The following LRRTM4 variants were observed in gnomAD, a reference collection of about 807,000 sequenced individuals.
LRRTM4 encodes the protein leucine-rich repeat transmembrane neuronal protein 4.
Under a neutral mutation model 47.6 loss-of-function variants are expected in LRRTM4, and 25 were observed. That is an observed-to-expected ratio of 0.53 (90% CI 0.38 to 0.73). The LOEUF is 0.73. Ranked by LOEUF, LRRTM4 falls within the 30% of genes least tolerant of loss-of-function variation. The pLI is 0.00. For missense variants in LRRTM4, 638 were observed against 713.4 expected (o/e 0.89, Z 1.20); for synonymous variants, 311 against 269.5 (o/e 1.15, Z -1.51).
At chr2:76,928,683 A>G (rs1674667499) in intron 3 of LRRTM4, among the ~76,000 whole-genome samples, 1 of 152,198 alleles carries the variant, frequency 6.6e-6, no homozygotes, top group African/African-American at 2.4e-5. Context: ...TAAAACTGTA[A>G]CCCAGAATAC....
At chr2:76,830,496 C>T (rs544967564) in intron 3 of LRRTM4, among the ~76,000 whole-genome samples, 1 of 143,240 alleles carries the variant, frequency 7.0e-6, no homozygotes. Context: ...AATAAGTTGT[C>T]TATGTGTGGC....
intron 3 of LRRTM4, among the ~76,000 whole-genome samples, chr2:77,214,046 A>C (rs888690677): frequency 2.0e-5 from 3 of 152,200 alleles, no homozygotes; most frequent in Admixed American, 6.5e-5. Flanking sequence ...TGGAATGATC[A>C]AGGTCTCCTA....
At chr2:77,241,681 G>T (rs971042910) in intron 3 of LRRTM4, among the ~76,000 whole-genome samples, 1 of 152,044 alleles carries the variant, frequency 6.6e-6, no homozygotes, top group Non-Finnish European at 1.5e-5. Flanking sequence ...CAGATAAGGG[G>T]ATTAGCAAAT....
intron 3 of LRRTM4, among the ~76,000 whole-genome samples, chr2:77,398,615 A>G (rs1186164556): frequency 6.6e-6 from 1 of 151,820 alleles, no homozygotes; most frequent in Non-Finnish European, 1.5e-5. Context: ...TTATTTTAGA[A>G]CAGTTTTGTT....
At chr2:76,797,855 A>C (rs372632439) in intron 3 of LRRTM4, among the ~76,000 whole-genome samples, 2 of 151,782 alleles carry the variant, frequency 1.3e-5, no homozygotes, top group African/African-American at 2.4e-5. Context: ...AACAAAGATC[A>C]AAAGAGACAG....
intron 3 of LRRTM4, among the ~76,000 whole-genome samples, chr2:77,297,239 T>A (rs1676999173): frequency 6.6e-6 from 1 of 152,162 alleles, no homozygotes; most frequent in South Asian, 2.1e-4. Context: ...CCTTCTCATA[T>A]TTTACTATTT....
chr2:76,824,529 T>C (rs1384059449), intron 3 of LRRTM4, among the ~76,000 whole-genome samples: 3 of 149,906 alleles, frequency 2.0e-5, no homozygotes, highest in Non-Finnish European at 4.4e-5. Context: ...ATTGCTTATG[T>C]GTATAACACT....
chr2:76,873,595 A>AT (rs147620068), intron 3 of LRRTM4, among the ~76,000 whole-genome samples: 7,869 of 147,698 alleles, frequency 0.053, 541 homozygotes, highest in African/African-American at 0.15. Flanking sequence ...GCAATTATTG[A>AT]TTTTTTTGAC....
chr2:77,073,600 CAA>C (rs1680235119), intron 3 of LRRTM4, among the ~76,000 whole-genome samples: 1 of 151,948 alleles, frequency 6.6e-6, no homozygotes, highest in Non-Finnish European at 1.5e-5. Context: ...CTTTCTACAC[CAA>C]AAGATATTAT....
At chr2:77,265,663 T>C (rs145993665) in intron 3 of LRRTM4, among the ~76,000 whole-genome samples, 4 of 152,248 alleles carry the variant, frequency 2.6e-5, no homozygotes, top group Admixed American at 1.3e-4. Flanking sequence ...TAGTAATATG[T>C]ACAAAGAAGT....
At position 76,824,920 on chromosome 2, in the gene LRRTM4, G is replaced by C. The variant is rs182591318; in HGVS notation, c.1552-76004C>G. 2.3e-3 allele frequency among the ~76,000 whole-genome samples: 344 copies of C among 151,714 alleles called. 3 individuals are homozygous for C. The highest frequency in any genetic ancestry group is 8.2e-3 in the African/African-American group (340 of 41,476). ...GGACAGATTTCACAGCATACATCTA[G>C]TGACCATCAAATGACACTTCAAATG... On this transcript the variant is annotated intron_variant, in intron 3 of 3. Coordinates refer to ENST00000409884, the MANE Select transcript of LRRTM4 (RefSeq NM_001134745.3).
At chr2:76,797,679 TAA>T (rs1034954019) in intron 3 of LRRTM4, among the ~76,000 whole-genome samples, 10 of 151,290 alleles carry the variant, frequency 6.6e-5, no homozygotes, top group East Asian at 3.9e-4. Context: ...GCAAATTGGA[TAA>T]AGAGTCAAGA....
intron 3 of LRRTM4, among the ~76,000 whole-genome samples, chr2:77,356,357 A>G (rs866175552): frequency 6.6e-6 from 1 of 152,168 alleles, no homozygotes; most frequent in Non-Finnish European, 1.5e-5. Context: ...TGAGATTTCA[A>G]TGAAAGGCAT....
chr2:77,313,180 T>A (rs1677508511), intron 3 of LRRTM4, among the ~76,000 whole-genome samples: 1 of 152,014 alleles, frequency 6.6e-6, no homozygotes, highest in Non-Finnish European at 1.5e-5. Context: ...CTCCCTATTT[T>A]TTCCTGAGAC....
chr2:77,009,173 ACAT>A (rs1677776488), intron 3 of LRRTM4: 1 of 152,156 alleles, frequency 6.6e-6, no homozygotes, highest in Non-Finnish European at 1.5e-5. Context: ...TGGAAAGCTG[ACAT>A]CATTTATAGA....
chr2:77,201,551 T>A (rs577796822), intron 3 of LRRTM4, among the ~76,000 whole-genome samples: 1 of 152,188 alleles, frequency 6.6e-6, no homozygotes, highest in Non-Finnish European at 1.5e-5. Context: ...GAAAGCATAA[T>A]CCAACTTCAG....
chr2:76,978,319 A>C (rs917276816), intron 3 of LRRTM4, among the ~76,000 whole-genome samples: 2 of 152,062 alleles, frequency 1.3e-5, no homozygotes, highest in African/African-American at 4.8e-5. Context: ...TTAGATACAG[A>C]TAAACAGAAT....
At chr2:77,428,256 C>T (rs1322202844) in intron 3 of LRRTM4, among the ~76,000 whole-genome samples, 5 of 152,228 alleles carry the variant, frequency 3.3e-5, no homozygotes, top group South Asian at 2.1e-4. Flanking sequence ...TACAGAAACA[C>T]GAGAATGGAC....
chr2:77,299,367 A>G lies in LRRTM4; in HGVS notation c.1551+218951T>C, dbSNP rs559009751. 2.1e-4 allele frequency among the ~76,000 whole-genome samples: 32 copies of G among 151,392 alleles called. 1 individual carries two copies. The highest frequency in any genetic ancestry group is 7.3e-4 in the African/African-American group (30 of 41,344). On this transcript the variant is annotated intron_variant, in intron 3 of 3. Transcript: ENST00000409884. ...CGTATATATATGTATATATGTGTGT[A>G]TATATATACGTATATATGTGTGTAT...
Sources: allele counts gnomAD v4.1 joint callset (sites outside exome capture counted in the v4.1 genomes callset), GRCh38; gene constraint gnomAD v4.1.1; transcripts MANE v1.5; gene names NCBI Gene and HGNC (gene_info 2026-07-23, HGNC 2026-07-21).